Variants in TRMT61A observed in about 807,000 individuals in gnomAD.
TRMT61A encodes tRNA (adenine(58)-N(1))-methyltransferase catalytic subunit TRMT61A.
In TRMT61A, 15 loss-of-function variants were observed where a neutral mutation model predicts 21.3. The observed-to-expected ratio is 0.70, with a 90% CI of 0.47 to 1.08. The LOEUF (loss-of-function observed/expected upper bound fraction) is 1.08. Among genes scored for constraint, TRMT61A ranks in the 50% least tolerant of loss-of-function variants. The probability of loss-of-function intolerance (pLI) is 0.00; values close to 1 mark genes in which losing one functional copy is unlikely to be tolerated. For missense variants in TRMT61A, 352 were observed against 426.7 expected, an observed-to-expected ratio of 0.83 and a Z score of 1.54; for synonymous variants, 183 against 185.5, an observed-to-expected ratio of 0.99 and a Z score of 0.11.
In TRMT61A at chr14:103,532,729, G is replaced by A. The variant is rs1383534911; in HGVS notation, c.479G>A (p.Arg160His). Residue 160 changes from arginine (R) to histidine (H), a missense_variant, in exon 3 of 4, where the codon CGC (arginine) becomes CAC (histidine). Coordinates refer to ENST00000389749, the MANE Select transcript of TRMT61A (RefSeq NM_152307.3). Reference protein sequence around the residue: ...EHRVGRWVTVRTQDVCRSGFG... With the variant: ...EHRVGRWVTVHTQDVCRSGFG... ...CGTGTGGGCCGCTGGGTGACTGTGC[G>A]CACCCAGGACGTGTGCCGCAGTGGC... The A allele has an allele frequency of 9.9e-6, 16 of 1,609,820 alleles. No homozygotes were observed. The highest frequency in any genetic ancestry group is 1.3e-5 in the African/African-American group (1 of 74,892).
In TRMT61A at chr14:103,534,859, T is replaced by C. The variant is rs1168800100; in HGVS notation, c.*38T>C. On this transcript the variant is annotated 3_prime_UTR_variant, in exon 4 of 4. Coordinates refer to ENST00000389749, the MANE Select transcript of TRMT61A (RefSeq NM_152307.3). ...CAGGGCACCAGGGAGCTGGGAGCAC[T>C]GAAGGGCTGGGCAGGGAGGCCAGAG... 3 of 1,531,616 alleles carry C rather than the reference T, an allele frequency of 2.0e-6. No individual in the cohort carries two copies. In the East Asian group the frequency reaches 7.3e-5, roughly 37 times the overall value. 94.9% of individuals were successfully genotyped at this position (1,531,616 alleles called of 1,614,324 possible).
At position 103,532,733 on chromosome 14, in the gene TRMT61A, C is replaced by T; in HGVS notation, c.483C>T (p.Thr161=). ...HRVGRWVTVR[T]QDVCRSGFGV... is the part of the protein sequence containing the mutation. ...TGGGCCGCTGGGTGACTGTGCGCAC[C>T]CAGGACGTGTGCCGCAGTGGCTTTG... The change falls in exon 3 of 4, where the codon ACC becomes ACT. Residue 161 remains threonine, a synonymous_variant. Transcript: ENST00000389749. The T allele has an allele frequency of 1.2e-6, 2 of 1,608,644 alleles. No homozygotes were observed. The highest frequency in any genetic ancestry group is 1.1e-5 in the South Asian group (1 of 90,484).
intron 1 of TRMT61A, 66 bp downstream of exon 1, chr14:103,529,327 G>T: frequency 4.6e-6 from 1 of 216,636 alleles, no homozygotes; most frequent in South Asian, 4.2e-5. Context: ...GGCACGGCGC[G>T]CAGGGCCTGT....
chr14:103,530,850 G>A (rs2075951898), intron 2 of TRMT61A, among the ~76,000 whole-genome samples: 2 of 152,338 alleles, frequency 1.3e-5, no homozygotes, highest in Middle Eastern at 3.4e-3. Flanking sequence ...CCAGTGTGGC[G>A]ATTGAAGCCA....
Position 103,535,203 on chromosome 14 carries a change from C to T in TRMT61A, c.*382C>T, listed in dbSNP as rs1215806391. On this transcript the variant is annotated 3_prime_UTR_variant, in exon 4 of 4. Coordinates refer to ENST00000389749, the MANE Select transcript of TRMT61A (RefSeq NM_152307.3). ...GGGGGGCATTGACCCTGAGACCACG[C>T]TGCGTCTGACCCCTGGGCCCCCACG... 2.0e-6 allele frequency: 1 copy of T among 493,602 alleles called. No homozygotes were observed. 30.6% of individuals were successfully genotyped at this position (493,602 alleles called of 1,614,324 possible).
At chr14:103,529,603 A>T (rs2075946565) in intron 1 of TRMT61A, among the ~76,000 whole-genome samples, 1 of 152,182 alleles carries the variant, frequency 6.6e-6, no homozygotes. Context: ...CTCATCTCAC[A>T]TCTTGGGAAT....
intron 1 of TRMT61A, 113 bp from the exon 2 acceptor site, chr14:103,529,837 C>T (rs936873614): frequency 1.3e-6 from 1 of 766,318 alleles, no homozygotes; most frequent in Non-Finnish European, 2.1e-6. Context: ...GCTGAGCTAG[C>T]CACACCCCGC....
chr14:103,529,966 A>G lies in TRMT61A; in HGVS notation c.-13A>G. On this transcript the variant is annotated 5_prime_UTR_variant, in exon 2 of 4. Coordinates refer to ENST00000389749, the MANE Select transcript of TRMT61A (RefSeq NM_152307.3). The stretch of plus-strand genomic sequence containing the variant: ...CCTCCCCAGGTCCTTGGCCCTTGCC[A>G]GACATTAGCACCATGAGCTTCGTGG... 1 of 1,594,288 alleles carries G rather than the reference A, an allele frequency of 6.3e-7. No homozygotes were observed.
intron 3 of TRMT61A, among the ~76,000 whole-genome samples, chr14:103,533,889 G>A (rs2075963711): frequency 6.6e-6 from 1 of 152,222 alleles, no homozygotes; most frequent in Admixed American, 6.5e-5. Context: ...GCGGCCCCGT[G>A]TTAGGGTACA....
rs1349368600 is a variant in TRMT61A, at chr14:103,535,126, G to A, written c.*305G>A. ...TTGAAGCCAAAGGGTGCAGGTGGGGGAGTCTGACCCCCTCCCAGGTGGGCC... is the reference window on the plus strand; with the variant it reads ...TTGAAGCCAAAGGGTGCAGGTGGGGAAGTCTGACCCCCTCCCAGGTGGGCC... On this transcript the variant is annotated 3_prime_UTR_variant, in exon 4 of 4. Transcript: ENST00000389749. 4 of 628,354 alleles carry A rather than the reference G, an allele frequency of 6.4e-6. No individual in the cohort carries two copies. Among genetic ancestry groups the A allele is most frequent in the Non-Finnish European group, 1.2e-5 (4 of 336,540 alleles). 38.9% of individuals were successfully genotyped at this position (628,354 alleles called of 1,614,324 possible). A position where few individuals can be genotyped will look rare whatever the true frequency, so the allele number is the denominator to read the frequency against.
At position 103,535,542 on chromosome 14, in the gene TRMT61A, G is replaced by C. The variant is rs1046176602; in HGVS notation, c.*721G>C. The C allele has an allele frequency of 3.0e-6, 1 of 336,828 alleles. No homozygotes were observed. The highest frequency in any genetic ancestry group is 8.4e-5 in the East Asian group (1 of 11,856). The allele number at this position is 336,828 out of a possible 1,614,324, so 20.9% of individuals were successfully genotyped here. A position where few individuals can be genotyped will look rare whatever the true frequency, so the allele number is the denominator to read the frequency against. On this transcript the variant is annotated 3_prime_UTR_variant, in exon 4 of 4. Transcript: ENST00000389749. ...GCCAGGCAGCGCTGCGGAGAGGAGC[G>C]GCAGAGTGGGTTGTCTGCCGCAGGC...
At chr14:103,530,775 C>T (rs547456983) in intron 2 of TRMT61A, among the ~76,000 whole-genome samples, 3 of 152,314 alleles carry the variant, frequency 2.0e-5, no homozygotes, top group Admixed American at 6.5e-5. Context: ...TGAATGTGAG[C>T]ACCATTGTTG....
At chr14:103,532,026 G>A (rs954057712) in intron 2 of TRMT61A, among the ~76,000 whole-genome samples, 4 of 151,546 alleles carry the variant, frequency 2.6e-5, no homozygotes, top group Non-Finnish European at 4.4e-5. Flanking sequence ...CCAGGCCAGG[G>A]CAGAGCCCCA....
intron 3 of TRMT61A, among the ~76,000 whole-genome samples, chr14:103,533,525 A>G (rs2075962156): frequency 6.6e-6 from 1 of 152,106 alleles, no homozygotes; most frequent in African/African-American, 2.4e-5. Flanking sequence ...TGAGGTGGGT[A>G]GCTGTGGGGA....
Position 103,530,149 on chromosome 14 carries a change from G to A in TRMT61A, c.171G>A (p.Lys57=), listed in dbSNP as rs1381942311. The change falls in exon 2 of 4, where the codon AAG becomes AAA. Residue 57 remains lysine, a synonymous_variant. Coordinates refer to ENST00000389749, the MANE Select transcript of TRMT61A (RefSeq NM_152307.3). The part of the protein sequence containing the change: ...VDLIGRPFGS[K]VTCGRGGWVY... The stretch of plus-strand genomic sequence containing the variant: ...TTATCGGCCGCCCCTTCGGCTCCAA[G>A]GTGACGTGCGGCCGAGGTGGCTGGG... The A allele has an allele frequency of 8.1e-6, 13 of 1,612,716 alleles. 1 individual carries two copies. In the East Asian group the frequency reaches 1.6e-4, roughly 19 times the overall value.
Position 103,530,150 on chromosome 14 carries a change from G to C in TRMT61A, c.172G>C (p.Val58Leu), listed in dbSNP as rs1025459974. ...TATCGGCCGCCCCTTCGGCTCCAAGGTGACGTGCGGCCGAGGTGGCTGGGT... is the reference window on the plus strand; with the variant it reads ...TATCGGCCGCCCCTTCGGCTCCAAGCTGACGTGCGGCCGAGGTGGCTGGGT... Reference protein sequence around the residue: ...DLIGRPFGSKVTCGRGGWVYV... With the variant: ...DLIGRPFGSKLTCGRGGWVYV... The change falls in exon 2 of 4, where the codon GTG becomes CTG. Residue 58 changes from valine (V) to leucine (L), a missense_variant. Coordinates refer to ENST00000389749, the MANE Select transcript of TRMT61A (RefSeq NM_152307.3). 6.2e-7 allele frequency: 1 copy of C among 1,612,840 alleles called. No individual in the cohort carries two copies. The highest frequency in any genetic ancestry group is 1.3e-5 in the African/African-American group (1 of 75,066).
intron 3 of TRMT61A, among the ~76,000 whole-genome samples, chr14:103,534,189 G>C (rs1439211804): frequency 6.6e-6 from 1 of 152,256 alleles, no homozygotes; most frequent in Non-Finnish European, 1.5e-5. Flanking sequence ...ACGCTGCCGT[G>C]CTGTCAGAGC....
At chr14:103,529,918 A>C in intron 1 of TRMT61A, 32 bp from the exon 2 acceptor site, 1 of 1,489,628 alleles carries the variant, frequency 6.7e-7, no homozygotes. Flanking sequence ...CTGCCTCCTG[A>C]CTTGCTCATG....
rs755125932 is a variant in TRMT61A, at chr14:103,535,998, G to T, written c.*1177G>T. On this transcript the variant is annotated 3_prime_UTR_variant, in exon 4 of 4. Coordinates refer to ENST00000389749, the MANE Select transcript of TRMT61A (RefSeq NM_152307.3). ...GGCCTTGAGTGCTATGCTAGCAGGG[G>T]CCTGGCCCCAAGTGTGAGTGATGAG... The T allele has an allele frequency of 6.5e-6, 1 of 152,850 alleles. No individual in the cohort carries two copies. Among genetic ancestry groups the T allele is most frequent in the Non-Finnish European group, 1.5e-5 (1 of 68,570 alleles). 9.5% of individuals were successfully genotyped at this position (152,850 alleles called of 1,614,324 possible).
Sources: gnomAD v4.1 joint callset for allele counts (sites outside exome capture counted in the v4.1 genomes callset) on GRCh38, gnomAD v4.1.1 for gene constraint, MANE v1.5 for transcripts, NCBI Gene and HGNC (gene_info 2026-07-23, HGNC 2026-07-21) for gene names.